The following NRXN3 variants were observed in gnomAD, a reference collection of about 807,000 sequenced individuals.
NRXN3 encodes neurexin 3.
Under a neutral mutation model 137.6 loss-of-function variants are expected in NRXN3, and 32 were observed. That is an observed-to-expected ratio of 0.23 (90% confidence interval 0.18 to 0.31). The LOEUF (loss-of-function observed/expected upper bound fraction) is 0.31, where lower values mean the gene tolerates loss of function less well. NRXN3 is among the 10% of genes least tolerant of loss of function. NRXN3 has a pLI of 1.00. For missense variants in NRXN3, 1,574 were observed against 2,062.5 expected, an observed-to-expected ratio of 0.76 and a Z score of 4.59; for synonymous variants, 798 against 784.5, an observed-to-expected ratio of 1.02 and a Z score of -0.29.
chr14:78,998,764 T>A (rs1296283693), intron 15 of NRXN3, among the ~76,000 whole-genome samples: 23 of 144,122 alleles, frequency 1.6e-4, no homozygotes, highest in African/African-American at 5.3e-4. Flanking sequence ...ATGCCCAGCT[T>A]TTTTTTTTTT....
At chr14:78,861,334 A>T (rs555839292) in intron 10 of NRXN3, among the ~76,000 whole-genome samples, 1 of 152,116 alleles carries the variant, frequency 6.6e-6, no homozygotes, top group Non-Finnish European at 1.5e-5. Flanking sequence ...TCTATTATCT[A>T]TATATACCAA....
At chr14:79,837,904 T>C (rs1328878546) in intron 20 of NRXN3, among the ~76,000 whole-genome samples, 1 of 152,166 alleles carries the variant, frequency 6.6e-6, no homozygotes, top group Non-Finnish European at 1.5e-5. Context: ...ACAGGGCATA[T>C]TGGGAAATAC....
chr14:78,328,540 A>G (rs1292183865), intron 4 of NRXN3, among the ~76,000 whole-genome samples: 1 of 152,244 alleles, frequency 6.6e-6, no homozygotes, highest in Non-Finnish European at 1.5e-5. Flanking sequence ...GCTAATGCAA[A>G]CGTAAAGACA....
At chr14:78,647,131 G>T (rs932287411) in intron 5 of NRXN3, among the ~76,000 whole-genome samples, 14 of 152,116 alleles carry the variant, frequency 9.2e-5, no homozygotes, top group African/African-American at 3.4e-4. Flanking sequence ...CCTGTGAAAG[G>T]CTCACTTTTG....
rs1410627260 is a variant in NRXN3, at chr14:78,606,688, G to A, written c.758-38432G>A. On this transcript the variant is annotated intron_variant, in intron 4 of 20. Coordinates refer to ENST00000335750, the MANE Select transcript of NRXN3 (RefSeq NM_001330195.2). ...AATATGCTGCTAGTTTAATGCTCCA[G>A]TTCCTGATGAAGCCAGGGCTTTCTT... Among the ~76,000 whole-genome samples, 3 of 152,272 alleles carry A rather than the reference G, an allele frequency of 2.0e-5. No homozygotes were observed. In the East Asian group the frequency reaches 5.8e-4, roughly 29 times the overall value.
intron 4 of NRXN3, among the ~76,000 whole-genome samples, chr14:78,498,614 G>T (rs1301558492): frequency 6.6e-6 from 1 of 152,096 alleles, no homozygotes; most frequent in African/African-American, 2.4e-5. Flanking sequence ...CAGTGGTGGT[G>T]CATACACTTA....
At chr14:78,207,827 T>TG (rs1216400843) in intron 1 of NRXN3, among the ~76,000 whole-genome samples, 10 of 152,374 alleles carry the variant, frequency 6.6e-5, no homozygotes, top group African/African-American at 1.7e-4. Context: ...GGTGCCTTCT[T>TG]GGGGGGTCTT....
rs372240073 is a variant in NRXN3, at chr14:78,968,121, T to C, written c.2969-52T>C. 1,733 of 1,101,866 alleles carry C rather than the reference T, an allele frequency of 1.6e-3. 2 individuals carry two copies. The highest frequency in any genetic ancestry group is 1.9e-3 in the Non-Finnish European group (1,590 of 839,070). 68.3% of individuals were successfully genotyped at this position (1,101,866 alleles called of 1,614,324 possible). A position where few individuals can be genotyped will look rare whatever the true frequency, so the allele number is the denominator to read the frequency against. On this transcript the variant is annotated intron_variant, in intron 13 of 20. Coordinates refer to ENST00000335750, the MANE Select transcript of NRXN3 (RefSeq NM_001330195.2). Reference sequence around the variant, plus strand: ...CTCAAGTGTATCAAACTAGTTGACATGGTCACCACATCCTTTACTCATTCT... The same window carrying C: ...CTCAAGTGTATCAAACTAGTTGACACGGTCACCACATCCTTTACTCATTCT...
intron 8 of NRXN3, among the ~76,000 whole-genome samples, chr14:78,728,301 C>T (rs981903726): frequency 3.9e-5 from 6 of 152,138 alleles, no homozygotes; most frequent in African/African-American, 1.4e-4. Context: ...ATTTAGTTAG[C>T]AACTTATGGT....
At chr14:78,309,944 G>A (rs2153541725) in intron 4 of NRXN3, among the ~76,000 whole-genome samples, 1 of 152,046 alleles carries the variant, frequency 6.6e-6, no homozygotes, top group African/African-American at 2.4e-5. Flanking sequence ...GTTTAAATAG[G>A]GAAATTACTG....
intron 4 of NRXN3, among the ~76,000 whole-genome samples, chr14:78,434,864 A>G (rs2094009160): frequency 6.6e-6 from 1 of 152,204 alleles, no homozygotes; most frequent in Non-Finnish European, 1.5e-5. Context: ...AGAGGAGGCC[A>G]GGTGGTGAGA....
chr14:79,143,282 A>C (rs979358446), intron 15 of NRXN3, among the ~76,000 whole-genome samples: 1 of 152,212 alleles, frequency 6.6e-6, no homozygotes, highest in African/African-American at 2.4e-5. Flanking sequence ...GGATTTTCCT[A>C]TCTCTGTTTC....
intron 15 of NRXN3, among the ~76,000 whole-genome samples, chr14:79,423,167 G>T (rs536728336): frequency 4.6e-5 from 7 of 152,022 alleles, no homozygotes; most frequent in East Asian, 1.9e-4. Context: ...CATGGCCAGG[G>T]GTAAAATGCC....
rs2094635002 is a variant in NRXN3 at position 78,454,551 on chromosome 14, GTC to G, written c.757+156696_757+156697del. ...TGTGTAGCCAGGTTTGAGAACTGCT[GTC>G]TCTCCTGAGAGGTAGGGATTTGGTC... On this transcript the variant is annotated intron_variant, in intron 4 of 20. Transcript: ENST00000335750. Among the ~76,000 whole-genome samples, 2 of 152,220 alleles carry G rather than the reference GTC, an allele frequency of 1.3e-5. 1 individual carries two copies. The highest frequency in any genetic ancestry group is 4.1e-4 in the South Asian group (2 of 4,830).
At chr14:78,428,488 C>T (rs1022605152) in intron 4 of NRXN3, among the ~76,000 whole-genome samples, 1 of 151,908 alleles carries the variant, frequency 6.6e-6, no homozygotes, top group Admixed American at 6.6e-5. Context: ...AGAAACAGAA[C>T]CAATAGGATG....
intron 1 of NRXN3, among the ~76,000 whole-genome samples, chr14:78,239,506 G>A (rs1436969352): frequency 6.6e-6 from 1 of 152,134 alleles, no homozygotes. Context: ...CACGTTTCAT[G>A]TCCTACCCTC....
chr14:79,071,271 A>C (rs1232660619), intron 15 of NRXN3, among the ~76,000 whole-genome samples: 1 of 152,020 alleles, frequency 6.6e-6, no homozygotes, highest in Non-Finnish European at 1.5e-5. Context: ...TCTGTGATAC[A>C]TGTGCAGAAC....
At chr14:78,272,466 A>G (rs1056753604) in intron 2 of NRXN3, among the ~76,000 whole-genome samples, 3 of 152,148 alleles carry the variant, frequency 2.0e-5, no homozygotes, top group African/African-American at 7.2e-5. Context: ...GGAAACATCT[A>G]TTTGATCTGT....
At chr14:78,356,943 C>T (rs2084392211) in intron 4 of NRXN3, among the ~76,000 whole-genome samples, 1 of 152,122 alleles carries the variant, frequency 6.6e-6, no homozygotes, top group African/African-American at 2.4e-5. Flanking sequence ...GAAATTTTCC[C>T]TATATGGCAG....
Sources: gnomAD v4.1 joint callset for allele counts (sites outside exome capture counted in the v4.1 genomes callset) on GRCh38, gnomAD v4.1.1 for gene constraint, MANE v1.5 for transcripts, NCBI Gene and HGNC (gene_info 2026-07-23, HGNC 2026-07-21) for gene names.